Variants in MINAR1 observed in about 807,000 individuals in gnomAD.
MINAR1 encodes membrane integral NOTCH2 associated receptor 1.
MINAR1 carries 40 observed loss-of-function variants against 65.1 expected under a neutral mutation model. The ratio of observed to expected loss-of-function variants is 0.61; its 90% CI spans 0.48 to 0.80. The LOEUF (loss-of-function observed/expected upper bound fraction) is 0.80, where lower values mean the gene tolerates loss of function less well. MINAR1 is among the 30% of genes least tolerant of loss of function. The probability of loss-of-function intolerance (pLI) is 0.00; values close to 1 mark genes in which losing one functional copy is unlikely to be tolerated. For missense variants in MINAR1, 1,128 were observed against 1,148.0 expected (o/e 0.98, Z 0.25); for synonymous variants, 482 against 449.1 (o/e 1.07, Z -0.93).
chr15:79,467,816 T>C (rs1895927265), intron 3 of MINAR1, among the ~76,000 whole-genome samples: 2 of 152,220 alleles, frequency 1.3e-5, no homozygotes, highest in African/African-American at 4.8e-5. Context: ...GAAGAAAGCA[T>C]TTTTCAGTGA....
At chr15:79,424,527 T>C in the MINAR1 span, 1 of 152,138 alleles carries the variant, frequency 6.6e-6, no homozygotes, top group Non-Finnish European at 1.5e-5. Flanking sequence ...AAATAACAAA[T>C]AAACCAAATC....
chr15:79,420,534 G>A, the MINAR1 span: 8 of 152,182 alleles, frequency 5.3e-5, no homozygotes, highest in African/African-American at 1.9e-4. Context: ...ATCTAGAAAT[G>A]ACTGCAAGTG....
chr15:79,443,682 T>C (rs1894934261), intron 1 of MINAR1, among the ~76,000 whole-genome samples: 1 of 152,248 alleles, frequency 6.6e-6, no homozygotes, highest in African/African-American at 2.4e-5. Flanking sequence ...AATTCATTCA[T>C]ATTAGCTGTT....
chr15:79,455,698 C>T (rs1895387423), intron 1 of MINAR1, among the ~76,000 whole-genome samples: 1 of 152,150 alleles, frequency 6.6e-6, no homozygotes, highest in Non-Finnish European at 1.5e-5. Flanking sequence ...CACGTCCTTG[C>T]ATGTACTAGT....
At chr15:79,453,898 T>C (rs1895324382) in intron 1 of MINAR1, among the ~76,000 whole-genome samples, 1 of 152,222 alleles carries the variant, frequency 6.6e-6, no homozygotes, top group African/African-American at 2.4e-5. Context: ...TGTTGGGTTT[T>C]CCTGGGAGGT....
intron 3 of MINAR1, among the ~76,000 whole-genome samples, chr15:79,466,837 G>C (rs902518431): frequency 3.4e-4 from 52 of 152,354 alleles, no homozygotes; most frequent in African/African-American, 1.1e-3. Context: ...TGGATCTGAA[G>C]GGCCAAGGGA....
chr15:79,436,593 G>A (rs920406239), intron 1 of MINAR1, among the ~76,000 whole-genome samples: 2 of 152,218 alleles, frequency 1.3e-5, no homozygotes, highest in African/African-American at 4.8e-5. Context: ...AAAGCCAGGG[G>A]AGTTGGTGGA....
intron 1 of MINAR1, among the ~76,000 whole-genome samples, chr15:79,445,073 G>A (rs991525003): frequency 6.6e-6 from 1 of 151,810 alleles, no homozygotes; most frequent in African/African-American, 2.4e-5. Flanking sequence ...ATTGAGTGTC[G>A]ATATGTTCAG....
the MINAR1 span, chr15:79,422,245 C>T: frequency 2.0e-5 from 3 of 152,214 alleles, no homozygotes; most frequent in Admixed American, 2.0e-4. Flanking sequence ...AACATCCCTT[C>T]TGAGTTAAAG....
chr15:79,433,528 G>A (rs1894512382), intron 1 of MINAR1, among the ~76,000 whole-genome samples: 1 of 152,186 alleles, frequency 6.6e-6, no homozygotes, highest in Non-Finnish European at 1.5e-5. Flanking sequence ...GGAGCCATGT[G>A]GTTGGGAGGT....
chr15:79,455,332 A>G (rs905025872), intron 1 of MINAR1, among the ~76,000 whole-genome samples: 1 of 152,018 alleles, frequency 6.6e-6, no homozygotes, highest in African/African-American at 2.4e-5. Context: ...TTATTTTCAT[A>G]TTTTTTTCAC....
At chr15:79,432,286 G>A (rs904033264), upstream of MINAR1, among the ~76,000 whole-genome samples, 11 of 152,110 alleles carry the variant, frequency 7.2e-5, no homozygotes, top group Non-Finnish European at 2.9e-5. Flanking sequence ...CCCTGGCCGG[G>A]ACTGCAGCCA....
At position 79,456,591 on chromosome 15, in the gene MINAR1, G is replaced by T. The variant is rs1895424671; in HGVS notation, c.444G>T (p.Arg148=). The change falls in exon 2 of 4, where the codon CGG becomes CGT. Residue 148 remains arginine, a synonymous_variant. Transcript: ENST00000305428. The part of the protein sequence containing the change: ...NCELSERSFS[R]GYPIRQSSKC... ...AGCTGAGTGAGAGGTCTTTCAGCCG[G>T]GGCTACCCCATCAGGCAGTCGTCCA... 6.2e-7 allele frequency: 1 copy of T among 1,614,122 alleles called. No homozygotes were observed. The highest frequency in any genetic ancestry group is 1.3e-5 in the African/African-American group (1 of 75,040).
intron 2 of MINAR1, among the ~76,000 whole-genome samples, chr15:79,459,445 C>G (rs1351861514): frequency 6.6e-6 from 1 of 152,186 alleles, no homozygotes; most frequent in Non-Finnish European, 1.5e-5. Context: ...TGTGGCCCAT[C>G]CTGTTCATTC....
chr15:79,463,326 G>A lies in MINAR1; in HGVS notation c.2553+5G>A, dbSNP rs1895719979. ...CTGACAGCCCTGGACCTGCAGGTGA[G>A]CCTCTCACTGTCCCTGGGTGGGGGA... On this transcript the variant is annotated splice_donor_5th_base_variant and intron_variant, in intron 3 of 3. Transcript: ENST00000305428. 5 of 1,609,290 alleles carry A rather than the reference G, an allele frequency of 3.1e-6. No individual in the cohort carries two copies. The highest frequency in any genetic ancestry group is 4.2e-6 in the Non-Finnish European group (5 of 1,176,522).
chr15:79,462,897 C>T (rs550249223), intron 2 of MINAR1, among the ~76,000 whole-genome samples, 170 bp from the exon 3 acceptor site: 1 of 152,270 alleles, frequency 6.6e-6, no homozygotes, highest in Admixed American at 6.5e-5. Flanking sequence ...ATAAGCTTTT[C>T]CTAGAGAATT....
In MINAR1 at chr15:79,457,855, G is replaced by T; in HGVS notation, c.1708G>T (p.Gly570Trp). The T allele has an allele frequency of 6.2e-7, 1 of 1,614,042 alleles. No homozygotes were observed. Among genetic ancestry groups the T allele is most frequent in the Non-Finnish European group, 8.5e-7 (1 of 1,180,032 alleles). Residue 570 changes from glycine (G) to tryptophan (W), a missense_variant, in exon 2 of 4, where the codon GGG (glycine) becomes TGG (tryptophan). By Grantham distance (184) the Gly-to-Trp change is radical. Transcript: ENST00000305428. Reference sequence around the variant, plus strand: ...GCACAACTTAACCAAAATTGCCAATGGGGTCCCCAACAGCAAGGGAGACAA... The same window carrying T: ...GCACAACTTAACCAAAATTGCCAATTGGGTCCCCAACAGCAAGGGAGACAA... ...PEHNLTKIANGVPNSKGDKGN... is the reference protein window; with the variant it reads ...PEHNLTKIANWVPNSKGDKGN...
intron 1 of MINAR1, among the ~76,000 whole-genome samples, chr15:79,454,105 A>G (rs1895331746): frequency 6.6e-6 from 1 of 152,184 alleles, no homozygotes; most frequent in African/African-American, 2.4e-5. Flanking sequence ...AAGCCAGAAC[A>G]TTTGGACACA....
chr15:79,465,794 G>A (rs1895824608), intron 3 of MINAR1, among the ~76,000 whole-genome samples: 1 of 151,862 alleles, frequency 6.6e-6, no homozygotes, highest in South Asian at 2.1e-4. Context: ...CCAGCACCCA[G>A]CCTTTAGGGG....
Sources: allele counts gnomAD v4.1 joint callset (sites outside exome capture counted in the v4.1 genomes callset), GRCh38; gene constraint gnomAD v4.1.1; transcripts MANE v1.5; gene names NCBI Gene and HGNC (gene_info 2026-07-23, HGNC 2026-07-21).